HEG1: variants seen among roughly 807,000 people sequenced by gnomAD.
HEG1 encodes protein HEG homolog 1.
HEG1 carries 56 observed loss-of-function variants against 125.6 expected under a neutral mutation model. The observed-to-expected ratio is 0.45, with a 90% CI of 0.36 to 0.56. The LOEUF (loss-of-function observed/expected upper bound fraction) is 0.56, where lower values mean the gene tolerates loss of function less well. Ranked by LOEUF, HEG1 falls within the 20% of genes least tolerant of loss-of-function variation. The pLI is 0.00. For synonymous variants in HEG1, 644 were observed against 668.5 expected (o/e 0.96, Z 0.57); for missense variants, 1,523 against 1,670.0 (o/e 0.91, Z 1.53).
At chr3:125,004,316 A>T (rs1443494833) in intron 9 of HEG1, among the ~76,000 whole-genome samples, 2 of 152,226 alleles carry the variant, frequency 1.3e-5, no homozygotes, top group Non-Finnish European at 2.9e-5. Context: ...TCATCTCTAA[A>T]GTTTTTTAAT....
intron 15 of HEG1, among the ~76,000 whole-genome samples, chr3:124,974,575 C>T (rs897473478): frequency 6.6e-6 from 1 of 152,198 alleles, no homozygotes; most frequent in Non-Finnish European, 1.5e-5. Flanking sequence ...CCTATTTATA[C>T]ACCTGTACAA....
chr3:125,004,583 G>A (rs1246521134), intron 9 of HEG1, among the ~76,000 whole-genome samples: 1 of 151,954 alleles, frequency 6.6e-6, no homozygotes, highest in African/African-American at 2.4e-5. Flanking sequence ...TCAACCTCTG[G>A]GGCTCATGTA....
chr3:124,985,215 T>C (rs987372678), intron 14 of HEG1, among the ~76,000 whole-genome samples: 1 of 152,012 alleles, frequency 6.6e-6, no homozygotes. Context: ...AGCTCCAAGG[T>C]GACATGGATC....
intron 6 of HEG1, among the ~76,000 whole-genome samples, chr3:125,010,979 G>A (rs1560024272): frequency 6.6e-6 from 1 of 152,224 alleles, no homozygotes; most frequent in Non-Finnish European, 1.5e-5. Flanking sequence ...GTGTCTGTGT[G>A]TCTGTGCACA....
chr3:124,997,892 C>T (rs1936946463), intron 11 of HEG1, 69 bp from the exon 12 acceptor site: 1 of 1,451,454 alleles, frequency 6.9e-7, no homozygotes, highest in East Asian at 2.5e-5. Flanking sequence ...AAATCTCCTC[C>T]ACTTCAAAGC....
rs576177736 is a variant in HEG1 at position 124,999,344 on chromosome 3, C to G, written c.3518-1521G>C. On this transcript the variant is annotated intron_variant, in intron 11 of 16. Transcript: ENST00000311127. ...ATCTCACCAGGCAAACACTGCAAAG[C>G]TGGCACCAGGGAGGTAATGAACTTC... Among the ~76,000 whole-genome samples the G allele has an allele frequency of 1.4e-4, 21 of 152,340 alleles. No individual in the cohort carries two copies. The East Asian group carries it at 4.0e-3, about 29-fold the overall frequency.
intron 14 of HEG1, among the ~76,000 whole-genome samples, chr3:124,987,128 C>A (rs1371140220): frequency 1.3e-5 from 2 of 152,140 alleles, no homozygotes; most frequent in Non-Finnish European, 2.9e-5. Context: ...TTGCTTGAGC[C>A]TGAGAGGTTG....
At chr3:124,974,494 C>G (rs1365760826) in intron 15 of HEG1, among the ~76,000 whole-genome samples, 1 of 152,124 alleles carries the variant, frequency 6.6e-6, no homozygotes, top group Non-Finnish European at 1.5e-5. Context: ...CCGGGCAGTG[C>G]TCTTTCTACT....
chr3:125,015,000 C>T (rs1178415677), intron 5 of HEG1: 5 of 1,249,136 alleles, frequency 4.0e-6, no homozygotes, highest in Non-Finnish European at 4.1e-6. Context: ...TGGCTCTCGG[C>T]TGTCTTCCAA....
intron 16 of HEG1, chr3:124,972,243 T>C (rs552245284): frequency 6.6e-6 from 1 of 152,372 alleles, no homozygotes; most frequent in East Asian, 1.9e-4. Flanking sequence ...TATTGAACCG[T>C]GCTGGGGCTG....
At chr3:125,009,915 G>A (rs912427259) in intron 7 of HEG1, 91 bp from the exon 8 acceptor site, 82 of 1,335,772 alleles carry the variant, frequency 6.1e-5, no homozygotes, top group Non-Finnish European at 8.0e-5. Flanking sequence ...AGGGCCAAAT[G>A]GTGCTAGGTG....
intron 11 of HEG1, among the ~76,000 whole-genome samples, chr3:125,001,328 C>A (rs2107695899): frequency 6.6e-6 from 1 of 152,060 alleles, no homozygotes; most frequent in East Asian, 1.9e-4. Flanking sequence ...CTCTGTGGCC[C>A]AGGCTGGGGT....
chr3:125,015,264 T>C (rs1444264015), intron 5 of HEG1, among the ~76,000 whole-genome samples: 1 of 152,254 alleles, frequency 6.6e-6, no homozygotes, highest in African/African-American at 2.4e-5. Context: ...ATAGGATCGA[T>C]ACTAGATTTC....
In HEG1 at chr3:125,031,828, A is replaced by ATG. The variant is rs1937507191; in HGVS notation, c.317-2341_317-2340insCA. On this transcript the variant is annotated intron_variant, in intron 1 of 16. Coordinates refer to ENST00000311127, the MANE Select transcript of HEG1 (RefSeq NM_020733.2). The stretch of plus-strand genomic sequence containing the variant: ...CACACAGGCATGCATACACACACAC[A>ATG]CACGCACACACACATACACACGGAA... Among the ~76,000 whole-genome samples the ATG allele has an allele frequency of 4.6e-5, 7 of 151,922 alleles. No individual in the cohort carries two copies. In the South Asian group the frequency reaches 1.0e-3, roughly 23 times the overall value.
Position 125,055,971 on chromosome 3 carries a change from GC to G in HEG1, c.-82del. ...CAGCGGGCAGCGGGCGGCGGGGGCCGCGCGGGGCCGGGGAAGTGAGCGGAGT... is the reference window on the plus strand; with the variant it reads ...CAGCGGGCAGCGGGCGGCGGGGGCCGGCGGGGCCGGGGAAGTGAGCGGAGT... On this transcript the variant is annotated 5_prime_UTR_variant, in exon 1 of 17. Coordinates refer to ENST00000311127, the MANE Select transcript of HEG1 (RefSeq NM_020733.2). 1 of 800,878 alleles carries G rather than the reference GC, an allele frequency of 1.2e-6. No homozygotes were observed. Among genetic ancestry groups the G allele is most frequent in the Non-Finnish European group, 1.5e-6 (1 of 662,704 alleles). 49.6% of individuals were successfully genotyped at this position (800,878 alleles called of 1,614,324 possible).
chr3:125,004,660 T>C (rs931661551), intron 9 of HEG1, among the ~76,000 whole-genome samples: 4 of 152,100 alleles, frequency 2.6e-5, no homozygotes, highest in Non-Finnish European at 5.9e-5. Context: ...TAGCTAACTT[T>C]TGTCTTTTTT....
At position 125,027,604 on chromosome 3, in the gene HEG1, C is replaced by T. The variant is rs1560030573; in HGVS notation, c.611-97G>A. ...TCAGTTCTGACATCTACAAAATATA[C>T]AGACATAAGAAGAAATTAGGAGAAT... is the stretch of plus-strand genomic sequence containing the variant. On this transcript the variant is annotated intron_variant, in intron 2 of 16. Coordinates refer to ENST00000311127, the MANE Select transcript of HEG1 (RefSeq NM_020733.2). 16 of 981,482 alleles carry T rather than the reference C, an allele frequency of 1.6e-5. No individual in the cohort carries two copies. The South Asian group carries it at 2.8e-4, about 17-fold the overall frequency. The allele number at this position is 981,482 out of a possible 1,614,324, so 60.8% of individuals were successfully genotyped here.
chr3:125,024,868 C>T (rs2948785), intron 3 of HEG1, among the ~76,000 whole-genome samples: 74,538 of 151,684 alleles, frequency 0.49, 18,663 homozygotes, highest in Middle Eastern at 0.64. Flanking sequence ...GAGCCACCTC[C>T]TCTCCATGCC....
intron 5 of HEG1, among the ~76,000 whole-genome samples, chr3:125,018,429 G>C (rs1256724383): frequency 1.3e-5 from 2 of 152,146 alleles, no homozygotes; most frequent in African/African-American, 2.4e-5. Flanking sequence ...TGATGGAAAT[G>C]CTCTGGAATT....
Sources: allele counts gnomAD v4.1 joint callset (sites outside exome capture counted in the v4.1 genomes callset), GRCh38; gene constraint gnomAD v4.1.1; transcripts MANE v1.5; gene names NCBI Gene and HGNC (gene_info 2026-07-23, HGNC 2026-07-21).